The following HDAC1 variants were observed in gnomAD, a reference collection of about 807,000 sequenced individuals.
HDAC1 encodes the protein histone deacetylase 1, also known as protein deacetylase HDAC1.
In HDAC1, 18 loss-of-function variants were observed where a neutral mutation model predicts 65.5. The observed-to-expected ratio is 0.27, with a 90% confidence interval of 0.19 to 0.41. HDAC1 has a LOEUF of 0.41. Ranked by LOEUF, HDAC1 falls within the 10% of genes least tolerant of loss-of-function variation. The pLI is 1.00. For synonymous variants in HDAC1, 211 were observed against 227.9 expected (o/e 0.93, Z 0.67); for missense variants, 373 against 625.2 (o/e 0.60, Z 4.30).
intron 2 of HDAC1, 43 bp downstream of exon 2, chr1:32,302,776 C>T: frequency 1.1e-6 from 1 of 873,764 alleles, no homozygotes; most frequent in Non-Finnish European, 2.0e-6. Flanking sequence ...CTCATCTGCT[C>T]TGGTTCCCCA....
Position 32,327,474 on chromosome 1 carries a change from G to C in HDAC1, c.495-62G>C. On this transcript the variant is annotated intron_variant, in intron 5 of 13. Transcript: ENST00000373548. The surrounding 1 kb of genome is among the most constrained non-coding windows in gnomAD (Gnocchi z 6.0). ...AGCCAGCCCGGTAAGCTGGGAGCTA[G>C]CGCCCTTGGCACGTCCCATCCCCAA... is the stretch of plus-strand genomic sequence containing the variant. The C allele has an allele frequency of 4.7e-6, 6 of 1,277,760 alleles. No homozygotes were observed. The highest frequency in any genetic ancestry group is 6.8e-6 in the Non-Finnish European group (6 of 881,560). 79.2% of individuals were successfully genotyped at this position (1,277,760 alleles called of 1,614,324 possible).
intron 4 of HDAC1, among the ~76,000 whole-genome samples, chr1:32,326,380 G>A (rs1374167096): frequency 6.6e-6 from 1 of 152,022 alleles, no homozygotes; most frequent in Non-Finnish European, 1.5e-5. Context: ...GGCCAGGCTG[G>A]TATCGAACTC....
At chr1:32,323,480 C>T (rs746103660) in intron 3 of HDAC1, among the ~76,000 whole-genome samples, 6 of 152,124 alleles carry the variant, frequency 3.9e-5, no homozygotes, top group Non-Finnish European at 8.8e-5. Flanking sequence ...TCACTGCAAC[C>T]TCTGCCTCCC....
chr1:32,295,951 A>T (rs1341872985), intron 1 of HDAC1, among the ~76,000 whole-genome samples: 2 of 152,180 alleles, frequency 1.3e-5, no homozygotes, highest in Non-Finnish European at 2.9e-5. Context: ...CCAATAAGTT[A>T]TATAGAATTC....
chr1:32,302,849 C>T, intron 2 of HDAC1, 116 bp downstream of exon 2: 1 of 673,286 alleles, frequency 1.5e-6, no homozygotes, highest in South Asian at 1.6e-5. Context: ...TGCATGTTGA[C>T]TGCTGTTACA....
At chr1:32,305,724 C>T (rs1007016650) in intron 2 of HDAC1, among the ~76,000 whole-genome samples, 5 of 151,634 alleles carry the variant, frequency 3.3e-5, no homozygotes, top group Non-Finnish European at 5.9e-5. Flanking sequence ...CATCTTTCTA[C>T]CTCAGCCTCC....
At position 32,316,698 on chromosome 1, in the gene HDAC1, A is replaced by G. The variant is rs1274115298; in HGVS notation, c.196A>G (p.Lys66Glu). Residue 66 changes from lysine (K) to glutamate (E), a missense_variant, in exon 3 of 14, where the codon AAG becomes GAG. Lys to Glu is a moderately conservative substitution (Grantham distance 56). Transcript: ENST00000373548. Reference sequence around the variant, plus strand: ...CAAAGCCAATGCTGAGGAGATGACCAAGTACCACAGCGATGACTACATTAA... The same window carrying G: ...CAAAGCCAATGCTGAGGAGATGACCGAGTACCACAGCGATGACTACATTAA... ...PHKANAEEMT[K>E]YHSDDYIKFL... 1 of 1,613,882 alleles carries G rather than the reference A, an allele frequency of 6.2e-7. No individual in the cohort carries two copies. The highest frequency in any genetic ancestry group is 2.2e-5 in the East Asian group (1 of 44,882).
chr1:32,332,983 G>A lies in HDAC1; in HGVS notation c.1422-34G>A, dbSNP rs775986842. On this transcript the variant is annotated intron_variant, in intron 13 of 13. Coordinates refer to ENST00000373548, the MANE Select transcript of HDAC1 (RefSeq NM_004964.3). Reference sequence around the variant, plus strand: ...ACTTTTGCCCTGAGGCTCTGGGCTGGGTCATCTCATGCCAGTCTCTGCTCT... The same window carrying A: ...ACTTTTGCCCTGAGGCTCTGGGCTGAGTCATCTCATGCCAGTCTCTGCTCT... The A allele has an allele frequency of 1.5e-5, 24 of 1,611,990 alleles. 1 individual carries two copies. In the South Asian group the frequency reaches 2.6e-4, roughly 18 times the overall value.
intron 2 of HDAC1, among the ~76,000 whole-genome samples, chr1:32,306,534 G>A (rs1640914009): frequency 6.6e-6 from 1 of 152,142 alleles, no homozygotes; most frequent in Non-Finnish European, 1.5e-5. Context: ...ATAGCTCATT[G>A]CAGCCTCAAG....
intron 2 of HDAC1, among the ~76,000 whole-genome samples, chr1:32,312,099 G>A (rs1426071730): frequency 6.6e-6 from 1 of 151,848 alleles, no homozygotes; most frequent in Non-Finnish European, 1.5e-5. Context: ...TTACATCTTA[G>A]ATTCCTGAGC....
rs866639688 is a variant in HDAC1 at position 32,331,959 on chromosome 1, G to C, written c.1220-131G>C. The C allele has an allele frequency of 6.5e-6, 9 of 1,382,152 alleles. No homozygotes were observed. The highest frequency in any genetic ancestry group is 8.8e-6 in the Non-Finnish European group (9 of 1,027,082). 85.6% of individuals were successfully genotyped at this position (1,382,152 alleles called of 1,614,324 possible). On this transcript the variant is annotated intron_variant, in intron 11 of 13. Coordinates refer to ENST00000373548, the MANE Select transcript of HDAC1 (RefSeq NM_004964.3). The surrounding 1 kb of genome is among the most constrained non-coding windows in gnomAD (Gnocchi z 4.2). Reference sequence around the variant, plus strand: ...CCTGTAGGAACAGGTTAGGGAGCCCGAGTTCCTCCCTCTTCTGGTTCCCTT... The same window carrying C: ...CCTGTAGGAACAGGTTAGGGAGCCCCAGTTCCTCCCTCTTCTGGTTCCCTT...
chr1:32,299,929 G>T (rs1266612283), intron 1 of HDAC1, among the ~76,000 whole-genome samples: 2 of 152,264 alleles, frequency 1.3e-5, no homozygotes, highest in African/African-American at 2.4e-5. Flanking sequence ...TTGATGGCAG[G>T]CATCTGTAGT....
intron 2 of HDAC1, among the ~76,000 whole-genome samples, chr1:32,304,640 G>T (rs896802991): frequency 1.3e-5 from 2 of 151,878 alleles, no homozygotes; most frequent in African/African-American, 4.8e-5. Flanking sequence ...TGCAATCTTG[G>T]CTCACTGCAA....
chr1:32,317,842 T>C (rs1167189354), intron 3 of HDAC1, among the ~76,000 whole-genome samples: 2 of 152,218 alleles, frequency 1.3e-5, no homozygotes, highest in Non-Finnish European at 2.9e-5. Flanking sequence ...GATCAGGCTC[T>C]ACTCTCAGCA....
intron 3 of HDAC1, among the ~76,000 whole-genome samples, chr1:32,320,280 A>G (rs190896907): frequency 6.6e-6 from 1 of 151,996 alleles, no homozygotes; most frequent in East Asian, 1.9e-4. Flanking sequence ...TAATCTAGGA[A>G]GTTATGCTTA....
At chr1:32,299,304 C>T (rs550249247) in intron 1 of HDAC1, among the ~76,000 whole-genome samples, 1 of 152,162 alleles carries the variant, frequency 6.6e-6, no homozygotes, top group East Asian at 1.9e-4. Flanking sequence ...GGTTGGCCTG[C>T]ACTGTTGGAG....
chr1:32,304,672 T>A (rs1409519100), intron 2 of HDAC1, among the ~76,000 whole-genome samples: 2 of 152,110 alleles, frequency 1.3e-5, no homozygotes, highest in Non-Finnish European at 2.9e-5. Flanking sequence ...TGGGCTCAAG[T>A]GATTCTCCAG....
chr1:32,316,858 C>T (rs1641072408), intron 3 of HDAC1, 76 bp downstream of exon 3: 8 of 881,634 alleles, frequency 9.1e-6, no homozygotes, highest in South Asian at 5.5e-5. Flanking sequence ...CCCATTCTGC[C>T]GTCCTCGCAC....
intron 2 of HDAC1, among the ~76,000 whole-genome samples, chr1:32,308,375 T>G (rs1249606664): frequency 6.6e-6 from 1 of 152,220 alleles, no homozygotes; most frequent in Non-Finnish European, 1.5e-5. Flanking sequence ...AGCAGTACTT[T>G]AACGTTTTAA....
Sources: gnomAD v4.1 joint callset for allele counts (sites outside exome capture counted in the v4.1 genomes callset) on GRCh38, gnomAD v4.1.1 for gene constraint, Gnocchi (gnomAD v3.1) non-coding constraint, MANE v1.5 for transcripts, NCBI Gene and HGNC (gene_info 2026-07-23, HGNC 2026-07-21) for gene names.